Variants in KIF1A observed in about 807,000 individuals in gnomAD.
KIF1A encodes the protein kinesin-like protein KIF1A.
In KIF1A, 46 loss-of-function variants were observed where a neutral mutation model predicts 227.3. The observed-to-expected ratio is 0.20, with a 90% CI of 0.16 to 0.26. The LOEUF is 0.26. Among genes scored for constraint, KIF1A ranks in the 10% least tolerant of loss-of-function variants. The pLI is 1.00. For missense variants in KIF1A, 1,683 were observed against 2,485.9 expected (o/e 0.68, Z 6.87); for synonymous variants, 1,022 against 1,012.8 (o/e 1.01, Z -0.17).
chr2:240,791,697 G>T (rs2055724769), intron 2 of KIF1A, among the ~76,000 whole-genome samples: 1 of 152,176 alleles, frequency 6.6e-6, no homozygotes, highest in Admixed American at 6.5e-5. Context: ...TGAGCTCCAT[G>T]AGGTGGGGGC....
rs2044448920 is a variant in KIF1A at position 240,714,636 on chromosome 2, TG to T, written c.*2727del. 6.6e-6 allele frequency: 1 copy of T among 152,124 alleles called. No homozygotes were observed. The highest frequency in any genetic ancestry group is 2.4e-5 in the African/African-American group (1 of 41,380). The allele number at this position is 152,124 out of a possible 1,614,324, so 9.4% of individuals were successfully genotyped here. On this transcript the variant is annotated 3_prime_UTR_variant, in exon 49 of 49. Coordinates refer to ENST00000498729, the MANE Select transcript of KIF1A (RefSeq NM_001244008.2). Reference sequence around the variant, plus strand: ...ACACCAGCCCTCCACCTCACAGATGTGGAAACCGACTCCTGGGGAGCTCAAG... The same window carrying T: ...ACACCAGCCCTCCACCTCACAGATGTGAAACCGACTCCTGGGGAGCTCAAG...
chr2:240,732,024 G>A (rs2046710280), intron 38 of KIF1A, among the ~76,000 whole-genome samples: 1 of 115,558 alleles, frequency 8.7e-6, no homozygotes, highest in African/African-American at 3.4e-5. Flanking sequence ...AGGGAATGAG[G>A]GGAGGAGGGA....
At position 240,757,654 on chromosome 2, in the gene KIF1A, G is replaced by A; in HGVS notation, c.2583-60C>T. On this transcript the variant is annotated intron_variant, in intron 26 of 48. Transcript: ENST00000498729. This position sits in a 1 kb window ranked among gnomAD's most constrained non-coding sequence, Gnocchi z 6.2. ...CACCAGCGACTCGCAGGGACGAACA[G>A]GGGCCGGGGCCGGGGCTGGGGGGCT... The A allele has an allele frequency of 6.6e-7, 1 of 1,508,406 alleles. No homozygotes were observed. 93.4% of individuals were successfully genotyped at this position (1,508,406 alleles called of 1,614,324 possible). A position where few individuals can be genotyped will look rare whatever the true frequency, so the allele number is the denominator to read the frequency against.
At chr2:240,820,914 A>C (rs1575691352), upstream of KIF1A, among the ~76,000 whole-genome samples, 2 of 134,500 alleles carry the variant, frequency 1.5e-5, no homozygotes, top group African/African-American at 2.9e-5. This position sits in a 1 kb window ranked among gnomAD's most constrained non-coding sequence, Gnocchi z 6.2. Context: ...CATTGTCCTC[A>C]CCCCAGCCTG....
intron 1 of KIF1A, among the ~76,000 whole-genome samples, chr2:240,800,892 C>T (rs1008541863): frequency 1.3e-5 from 2 of 152,226 alleles, no homozygotes; most frequent in South Asian, 2.1e-4. Flanking sequence ...AGCCATAGCT[C>T]GGACGAACCT....
chr2:240,816,356 T>C (rs1309334606), intron 1 of KIF1A, among the ~76,000 whole-genome samples: 1 of 151,890 alleles, frequency 6.6e-6, no homozygotes, highest in Non-Finnish European at 1.5e-5. Flanking sequence ...GTGTGCAATG[T>C]GTGTGTATGT....
At chr2:240,724,119 A>G (rs2045716630) in intron 40 of KIF1A, 83 bp from the exon 41 acceptor site, 3 of 1,212,342 alleles carry the variant, frequency 2.5e-6, no homozygotes, top group East Asian at 2.3e-5. Context: ...GACTTGCCCC[A>G]CTATCAAACG....
chr2:240,793,182 G>C lies in KIF1A; in HGVS notation c.107-3870C>G, dbSNP rs563332255. Among the ~76,000 whole-genome samples, 47 of 152,330 alleles carry C rather than the reference G, an allele frequency of 3.1e-4. No individual in the cohort carries two copies. Among genetic ancestry groups the C allele is most frequent in the Non-Finnish European group, 5.7e-4 (39 of 68,026 alleles). ...GGGGAGCCCACAGCGGAGGCTGGGGGCCTGGGTCGCACCCACCCTGGGTCC... is the reference window on the plus strand; with the variant it reads ...GGGGAGCCCACAGCGGAGGCTGGGGCCCTGGGTCGCACCCACCCTGGGTCC... On this transcript the variant is annotated intron_variant, in intron 2 of 48. Transcript: ENST00000498729. The surrounding 1 kb of genome is among the most constrained non-coding windows in gnomAD (Gnocchi z 4.8).
intron 24 of KIF1A, 34 bp from the exon 25 acceptor site, chr2:240,760,877 C>A: frequency 6.3e-7 from 1 of 1,583,430 alleles, no homozygotes; most frequent in Non-Finnish European, 8.6e-7. Flanking sequence ...TCGTCAGCTC[C>A]TTGGGGGACA....
chr2:240,774,815 G>A (rs897490927), intron 11 of KIF1A, among the ~76,000 whole-genome samples: 3 of 152,050 alleles, frequency 2.0e-5, no homozygotes, highest in Admixed American at 6.5e-5. Context: ...CTGACTCCAC[G>A]CCAGCCCTCA....
intron 1 of KIF1A, among the ~76,000 whole-genome samples, chr2:240,811,766 G>A (rs2057882084): frequency 1.3e-5 from 2 of 152,154 alleles, no homozygotes; most frequent in Admixed American, 1.3e-4. Flanking sequence ...GAGGGGTTGG[G>A]ATGACTGCTC....
At chr2:240,741,244 TG>T in intron 35 of KIF1A, 24 bp downstream of exon 35, 4 of 1,530,080 alleles carry the variant, frequency 2.6e-6, no homozygotes, top group South Asian at 1.2e-5. Flanking sequence ...ACTCACGCCC[TG>T]GGGGCCCCAG....
In KIF1A at chr2:240,775,441, G is replaced by A. The variant is rs555859752; in HGVS notation, c.958+410C>T. Among the ~76,000 whole-genome samples the A allele has an allele frequency of 1.6e-4, 25 of 152,296 alleles. No homozygotes were observed. The highest frequency in any genetic ancestry group is 5.1e-4 in the African/African-American group (21 of 41,568). ...AAGTCTCACTGCTCAGAACTCAGAC[G>A]GAGAAGAGGAGGTTTATGGCAGCCC... On this transcript the variant is annotated intron_variant, in intron 11 of 48. Coordinates refer to ENST00000498729, the MANE Select transcript of KIF1A (RefSeq NM_001244008.2). The surrounding 1 kb of genome is among the most constrained non-coding windows in gnomAD (Gnocchi z 5.5).
chr2:240,773,175 C>T lies in KIF1A; in HGVS notation c.1119G>A (p.Lys373=), dbSNP rs751478068. The part of the protein sequence containing the change: ...DPNNKLIREL[K]DEVTRLRDLL... ...GGTCCCGCAGCCGGGTCACCTCATCCTTCAGCTCGCGGATCAGCTTGTTGT... is the reference window on the plus strand; with the variant it reads ...GGTCCCGCAGCCGGGTCACCTCATCTTTCAGCTCGCGGATCAGCTTGTTGT... The change falls in exon 13 of 49, where the codon AAG becomes AAA. Residue 373 remains lysine, a synonymous_variant. Transcript: ENST00000498729. The T allele has an allele frequency of 2.5e-5, 41 of 1,613,878 alleles. No homozygotes were observed. Among genetic ancestry groups the T allele is most frequent in the Non-Finnish European group, 2.8e-5 (33 of 1,179,864 alleles).
At chr2:240,727,172 C>A (rs1157042905) in intron 38 of KIF1A, among the ~76,000 whole-genome samples, 3 of 152,212 alleles carry the variant, frequency 2.0e-5, no homozygotes, top group African/African-American at 4.8e-5. Context: ...CAGCATTTTC[C>A]CAGCTCCACC....
chr2:240,752,543 G>T lies in KIF1A; in HGVS notation c.2859-1996C>A, dbSNP rs976738668. 6.6e-6 allele frequency among the ~76,000 whole-genome samples: 1 copy of T among 152,096 alleles called. No homozygotes were observed. The highest frequency in any genetic ancestry group is 1.5e-5 in the Non-Finnish European group (1 of 68,006). ...GCTACAAACTGAGCAAAGCTAAGTT[G>T]TCCAGGAGTGGGGGTGGGGAGAGCC... On this transcript the variant is annotated intron_variant, in intron 27 of 48. Coordinates refer to ENST00000498729, the MANE Select transcript of KIF1A (RefSeq NM_001244008.2). This position sits in a 1 kb window ranked among gnomAD's most constrained non-coding sequence, Gnocchi z 6.4.
Position 240,775,933 on chromosome 2 carries a change from G to T in KIF1A, c.883-7C>A, listed in dbSNP as rs957063587. On this transcript the variant is annotated splice_region_variant and splice_polypyrimidine_tract_variant and intron_variant, in intron 10 of 48. Transcript: ENST00000498729. The surrounding 1 kb of genome is among the most constrained non-coding windows in gnomAD (Gnocchi z 5.5). ...TCTTCTTCTTTTTCTTGTTCTGTGG[G>T]GGAGGAACATTCAAGGTCAAGCCCG... The T allele has an allele frequency of 6.3e-7, 1 of 1,597,572 alleles. No homozygotes were observed. Among genetic ancestry groups the T allele is most frequent in the African/African-American group, 1.3e-5 (1 of 74,716 alleles).
chr2:240,765,203 T>C (rs2051017754), intron 20 of KIF1A, among the ~76,000 whole-genome samples: 1 of 152,228 alleles, frequency 6.6e-6, no homozygotes, highest in Non-Finnish European at 1.5e-5. Context: ...AAGAAGGGAC[T>C]TTATGCCACG....
intron 14 of KIF1A, among the ~76,000 whole-genome samples, chr2:240,771,858 G>A (rs994452097): frequency 3.3e-5 from 5 of 152,188 alleles, no homozygotes; most frequent in African/African-American, 1.2e-4. Context: ...AGGCCCGGGA[G>A]GTGGGGCTGT....
Sources: gnomAD v4.1 joint callset for allele counts (sites outside exome capture counted in the v4.1 genomes callset) on GRCh38, gnomAD v4.1.1 for gene constraint, Gnocchi (gnomAD v3.1) non-coding constraint, MANE v1.5 for transcripts, NCBI Gene and HGNC (gene_info 2026-07-23, HGNC 2026-07-21) for gene names.